Variants in AKAP19 observed in about 807,000 individuals in gnomAD.
The protein encoded by AKAP19 is A-kinase anchoring protein 19.
At chr2:189,910,986 T>C in the AKAP19 span, among the ~76,000 whole-genome samples, 14 of 152,160 alleles carry the variant, frequency 9.2e-5, no homozygotes, top group Admixed American at 9.2e-4. Context: ...TAAAGGAAAT[T>C]CCCTATATGT....
chr2:190,131,401 T>A, the AKAP19 span, among the ~76,000 whole-genome samples: 2 of 152,056 alleles, frequency 1.3e-5, no homozygotes, highest in Non-Finnish European at 2.9e-5. Context: ...GTTTGGGGAG[T>A]TGCTTCTGGA....
At chr2:189,901,452 C>G in the AKAP19 span, among the ~76,000 whole-genome samples, 1 of 152,132 alleles carries the variant, frequency 6.6e-6, no homozygotes, top group Non-Finnish European at 1.5e-5. Flanking sequence ...ATTCTCCTGC[C>G]TCAGCCTCCC....
At chr2:190,128,858 A>C in the AKAP19 span, among the ~76,000 whole-genome samples, 1 of 152,242 alleles carries the variant, frequency 6.6e-6, no homozygotes, top group Non-Finnish European at 1.5e-5. Context: ...TCCATGTTGC[A>C]TATCCCCCTT....
chr2:190,102,823 C>T, the AKAP19 span, among the ~76,000 whole-genome samples: 3 of 152,120 alleles, frequency 2.0e-5, no homozygotes, highest in Non-Finnish European at 2.9e-5. Flanking sequence ...GGAGGAAGGA[C>T]TCCTTCCTAA....
At chr2:189,967,170 C>T in the AKAP19 span, among the ~76,000 whole-genome samples, 1 of 152,130 alleles carries the variant, frequency 6.6e-6, no homozygotes, top group African/African-American at 2.4e-5. Flanking sequence ...CTCCTATAAA[C>T]CAAAGCAAGA....
chr2:190,199,033 T>C, the AKAP19 span, among the ~76,000 whole-genome samples: 1 of 152,238 alleles, frequency 6.6e-6, no homozygotes, highest in Non-Finnish European at 1.5e-5. Context: ...CTATATTGTT[T>C]AGACGTGGCA....
chr2:190,069,169 TGTGTGTGA>T, the AKAP19 span, among the ~76,000 whole-genome samples: 11 of 137,342 alleles, frequency 8.0e-5, no homozygotes, highest in Admixed American at 5.7e-4. Context: ...TGTGTGTGTG[TGTGTGTGA>T]GAGAGAGAGA....
At chr2:190,062,102 T>C in the AKAP19 span, 6 of 1,005,294 alleles carry the variant, frequency 6.0e-6, no homozygotes, top group Non-Finnish European at 8.9e-6. Context: ...GAAACTCTTT[T>C]CCTTTCTACT....
At chr2:190,013,486 C>T in the AKAP19 span, among the ~76,000 whole-genome samples, 6 of 151,266 alleles carry the variant, frequency 4.0e-5, no homozygotes, top group African/African-American at 7.3e-5. Context: ...TTATTTGAGT[C>T]GTCTCTCTTT....
the AKAP19 span, among the ~76,000 whole-genome samples, chr2:190,097,859 C>CAAAAAAAAAAAAAAAAAAAAAAAAAAAA: frequency 6.2e-5 from 4 of 64,518 alleles, no homozygotes; most frequent in African/African-American, 2.6e-4. Flanking sequence ...TGGTTTCTAC[C>CAAAAAAAAAAAAAAAAAAAAAAAAAAAA]AAAAAAAAAA....
At chr2:189,940,278 C>CA in the AKAP19 span, among the ~76,000 whole-genome samples, 10,947 of 109,306 alleles carry the variant, frequency 0.1, 1,514 homozygotes, top group African/African-American at 0.33. Context: ...GACTTCATCT[C>CA]AAAAAAAAAA....
chr2:190,023,802 T>C, the AKAP19 span, among the ~76,000 whole-genome samples: 26 of 135,724 alleles, frequency 1.9e-4, no homozygotes, highest in East Asian at 5.0e-3. Context: ...TGTGTATATA[T>C]ATATATATAT....
chr2:190,152,899 C>CT, the AKAP19 span, among the ~76,000 whole-genome samples: 70,452 of 143,770 alleles, frequency 0.49, 18,090 homozygotes, highest in African/African-American at 0.63. Context: ...CCCATTCTTT[C>CT]TTTTTTTTTT....
At chr2:190,192,350 T>C in the AKAP19 span, among the ~76,000 whole-genome samples, 1 of 152,124 alleles carries the variant, frequency 6.6e-6, no homozygotes, top group East Asian at 1.9e-4. Context: ...TGTAGCTTTA[T>C]AGTCATTCTT....
chr2:190,185,954 A>G, the AKAP19 span, among the ~76,000 whole-genome samples: 1 of 152,080 alleles, frequency 6.6e-6, no homozygotes, highest in African/African-American at 2.4e-5. Context: ...ATAGATTCAC[A>G]ATTTTTATTT....
At chr2:190,019,876 A>G in the AKAP19 span, among the ~76,000 whole-genome samples, 1 of 152,070 alleles carries the variant, frequency 6.6e-6, no homozygotes, top group Non-Finnish European at 1.5e-5. Flanking sequence ...TCTGTTATCT[A>G]TGAAGGTGTC....
the AKAP19 span, among the ~76,000 whole-genome samples, chr2:190,122,303 G>C: frequency 6.6e-6 from 1 of 152,188 alleles, no homozygotes; most frequent in South Asian, 2.1e-4. Context: ...TCATGGTGGA[G>C]CAGGGCTAAA....
At chr2:189,980,920 G>A in the AKAP19 span, among the ~76,000 whole-genome samples, 1 of 152,128 alleles carries the variant, frequency 6.6e-6, no homozygotes, top group Non-Finnish European at 1.5e-5. Context: ...TGAATTTATT[G>A]AGACTTCCTT....
chr2:190,186,598 CAAAG>C, the AKAP19 span, among the ~76,000 whole-genome samples: 2 of 152,110 alleles, frequency 1.3e-5, no homozygotes, highest in Non-Finnish European at 2.9e-5. This position sits in a 1 kb window ranked among gnomAD's most constrained non-coding sequence, Gnocchi z 5.5. Context: ...TGGTGAAAGA[CAAAG>C]AACACTACAT....
Sources: gnomAD v4.1 joint callset for allele counts (sites outside exome capture counted in the v4.1 genomes callset) on GRCh38, gnomAD v4.1.1 for gene constraint, Gnocchi (gnomAD v3.1) non-coding constraint, MANE v1.5 for transcripts, NCBI Gene and HGNC (gene_info 2026-07-23, HGNC 2026-07-21) for gene names.